The following RPL28 variants were observed in gnomAD, a reference collection of about 807,000 sequenced individuals.
RPL28 encodes the protein large ribosomal subunit protein eL28.
In RPL28, 4 loss-of-function variants were observed where a neutral mutation model predicts 12.5. That is an observed-to-expected ratio of 0.32 (90% CI 0.16 to 0.73). The LOEUF (loss-of-function observed/expected upper bound fraction) is 0.73. RPL28 is among the 30% of genes least tolerant of loss of function. The probability of loss-of-function intolerance (pLI) is 0.66; values close to 1 mark genes in which losing one functional copy is unlikely to be tolerated. For missense variants in RPL28, 214 were observed against 197.7 expected (o/e 1.08, Z -0.49); for synonymous variants, 91 against 72.5 (o/e 1.26, Z -1.30).
downstream of RPL28, among the ~76,000 whole-genome samples, chr19:55,395,206 G>A (rs957802762): frequency 1.3e-5 from 2 of 151,800 alleles, no homozygotes; most frequent in South Asian, 2.1e-4. Context: ...GTGCGATCTC[G>A]GCTCACTACA....
At chr19:55,398,661 G>A (rs1256859110) in intron 4 of RPL28, among the ~76,000 whole-genome samples, 5 of 151,910 alleles carry the variant, frequency 3.3e-5, no homozygotes, top group Non-Finnish European at 5.9e-5. Flanking sequence ...TTTCTTATTC[G>A]TTTGTAGGAA....
At chr19:55,397,472 C>T (rs1463091854) in intron 4 of RPL28, among the ~76,000 whole-genome samples, 7 of 152,030 alleles carry the variant, frequency 4.6e-5, no homozygotes, top group Non-Finnish European at 1.0e-4. Flanking sequence ...CTCCGCCTTC[C>T]GGGTTCACGC....
intron 4 of RPL28, chr19:55,399,736 T>C (rs1222088046): frequency 1.3e-5 from 2 of 152,216 alleles, no homozygotes; most frequent in Admixed American, 6.5e-5. Context: ...TGAGGAACTC[T>C]GTCAGGGCTA....
exon 5 of RPL28, chr19:55,402,955 G>T: frequency 1.3e-6 from 2 of 1,533,946 alleles, no homozygotes; most frequent in Non-Finnish European, 1.7e-6. Context: ...TGCGGGAAGG[G>T]TTGGGAGGCA....
intron 4 of RPL28, chr19:55,399,781 A>C (rs2090044221): frequency 6.6e-6 from 1 of 152,190 alleles, no homozygotes; most frequent in African/African-American, 2.4e-5. Context: ...CACTTCGCTA[A>C]ATTATTTCAG....
rs1237767538 is a variant in RPL28 at position 55,388,992 on chromosome 19, C to T, written c.*660C>T. ...CTCCCGTCCTCCAGGTGTCCCCATC[C>T]CTCCCCTGTCTCTTTGAGCTGGCTC... On this transcript the variant is annotated 3_prime_UTR_variant, in exon 5 of 5. Coordinates refer to ENST00000344063, the MANE Select transcript of RPL28 (RefSeq NM_000991.5). 1.0e-6 allele frequency: 1 copy of T among 985,374 alleles called. No homozygotes were observed. Among genetic ancestry groups the T allele is most frequent in the Non-Finnish European group, 1.2e-6 (1 of 830,000 alleles). 61.0% of individuals were successfully genotyped at this position (985,374 alleles called of 1,614,324 possible). A position where few individuals can be genotyped will look rare whatever the true frequency, so the allele number is the denominator to read the frequency against.
rs974104921 is a variant in RPL28 at position 55,390,321 on chromosome 19, C to T, written c.*1989C>T. On this transcript the variant is annotated 3_prime_UTR_variant, in exon 5 of 5. Transcript: ENST00000344063. Reference sequence around the variant, plus strand: ...CTGGGTTCAAGCGATTCTCCTGCCTCAGCCTCCCGAGTAGCTGGGATTACA... The same window carrying T: ...CTGGGTTCAAGCGATTCTCCTGCCTTAGCCTCCCGAGTAGCTGGGATTACA... 18 of 734,404 alleles carry T rather than the reference C, an allele frequency of 2.5e-5. No individual in the cohort carries two copies. The highest frequency in any genetic ancestry group is 2.7e-5 in the Non-Finnish European group (16 of 601,256). The allele number at this position is 734,404 out of a possible 1,614,324, so 45.5% of individuals were successfully genotyped here.
rs1205479584 is a variant in RPL28, at chr19:55,391,217, T to C, written c.*2885T>C. The C allele has an allele frequency of 1.2e-5, 3 of 242,166 alleles. No individual in the cohort carries two copies. The highest frequency in any genetic ancestry group is 2.2e-5 in the Non-Finnish European group (3 of 135,978). 15.0% of individuals were successfully genotyped at this position (242,166 alleles called of 1,614,324 possible). On this transcript the variant is annotated 3_prime_UTR_variant, in exon 5 of 5. Coordinates refer to ENST00000344063, the MANE Select transcript of RPL28 (RefSeq NM_000991.5). ...CCCGGCAGCATTCCCAGCTCAGGGCTAATGGTTCACGGAAGCCAGGAATCA... is the reference window on the plus strand; with the variant it reads ...CCCGGCAGCATTCCCAGCTCAGGGCCAATGGTTCACGGAAGCCAGGAATCA...
rs538371883 is a variant in RPL28 at position 55,389,883 on chromosome 19, A to G, written c.*1551A>G. 4.6e-5 allele frequency: 45 copies of G among 985,404 alleles called. No individual in the cohort carries two copies. In the African/African-American group the frequency reaches 7.0e-4, roughly 15 times the overall value. The allele number at this position is 985,404 out of a possible 1,614,324, so 61.0% of individuals were successfully genotyped here. On this transcript the variant is annotated 3_prime_UTR_variant, in exon 5 of 5. Coordinates refer to ENST00000344063, the MANE Select transcript of RPL28 (RefSeq NM_000991.5). Reference sequence around the variant, plus strand: ...GGCCTCACTCCGCTGGTGACTTCGTACCTGCTCAGGAGCCCCCACTGTCCC... The same window carrying G: ...GGCCTCACTCCGCTGGTGACTTCGTGCCTGCTCAGGAGCCCCCACTGTCCC...
At position 55,391,006 on chromosome 19, in the gene RPL28, A is replaced by C; in HGVS notation, c.*2674A>C. The C allele has an allele frequency of 1.2e-4, 119 of 970,002 alleles. No individual in the cohort carries two copies. The highest frequency in any genetic ancestry group is 1.3e-4 in the Non-Finnish European group (109 of 815,904). 60.1% of individuals were successfully genotyped at this position (970,002 alleles called of 1,614,324 possible). ...TGATATTAAGAAAACAGGCAGGCTC[A>C]CCATAGTAAAAATGCTGAAAGCCAA... On this transcript the variant is annotated 3_prime_UTR_variant, in exon 5 of 5. Coordinates refer to ENST00000344063, the MANE Select transcript of RPL28 (RefSeq NM_000991.5).
Position 55,387,826 on chromosome 19 carries a change from C to T in RPL28, c.206-104C>T, listed in dbSNP as rs923193328. On this transcript the variant is annotated intron_variant, in intron 3 of 4. Coordinates refer to ENST00000344063, the MANE Select transcript of RPL28 (RefSeq NM_000991.5). Reference sequence around the variant, plus strand: ...GCCTGCCCAGGCACCCGCCACGGGCCCACGCTGCTCAGCTTCTCAATGTGA... The same window carrying T: ...GCCTGCCCAGGCACCCGCCACGGGCTCACGCTGCTCAGCTTCTCAATGTGA... 2.6e-5 allele frequency: 38 copies of T among 1,479,484 alleles called. No individual in the cohort carries two copies. In the African/African-American group the frequency reaches 4.8e-4, roughly 19 times the overall value. 91.6% of individuals were successfully genotyped at this position (1,479,484 alleles called of 1,614,324 possible). A position where few individuals can be genotyped will look rare whatever the true frequency, so the allele number is the denominator to read the frequency against.
chr19:55,390,578 AC>A lies in RPL28; in HGVS notation c.*2251del. 2.0e-6 allele frequency: 2 copies of A among 985,174 alleles called. No homozygotes were observed. Among genetic ancestry groups the A allele is most frequent in the Non-Finnish European group, 2.4e-6 (2 of 830,070 alleles). The allele number at this position is 985,174 out of a possible 1,614,324, so 61.0% of individuals were successfully genotyped here. On this transcript the variant is annotated 3_prime_UTR_variant, in exon 5 of 5. Transcript: ENST00000344063. ...CTGGAGGCTTGTGCCTCTAGGCCCC[AC>A]CCCCTGTGGAGTCCTGCTGGCTTTC...
intron 4 of RPL28, chr19:55,401,230 A>G: frequency 1.5e-6 from 1 of 648,544 alleles, no homozygotes; most frequent in South Asian, 2.0e-5. Flanking sequence ...CCAAACTCCC[A>G]GAGCCACATG....
chr19:55,387,005 A>T, intron 3 of RPL28: 1 of 1,441,590 alleles, frequency 6.9e-7, no homozygotes, highest in South Asian at 1.5e-5. Context: ...CAGGGTGGGG[A>T]TGGATGGTTT....
intron 4 of RPL28, chr19:55,401,444 G>A (rs1311954672): frequency 1.9e-6 from 3 of 1,602,254 alleles, no homozygotes; most frequent in Non-Finnish European, 2.5e-6. Flanking sequence ...CACTACAGCC[G>A]CCGCAGCGCC....
intron 4 of RPL28, chr19:55,401,529 C>T (rs1175504565): frequency 4.3e-6 from 7 of 1,610,516 alleles, no homozygotes; most frequent in African/African-American, 1.3e-5. Flanking sequence ...CCATGGGACC[C>T]TCAGCCCCTC....
chr19:55,396,376 C>G (rs2090022161), downstream of RPL28, among the ~76,000 whole-genome samples: 1 of 151,212 alleles, frequency 6.6e-6, no homozygotes, highest in African/African-American at 2.4e-5. Context: ...CCTATGTAAC[C>G]AATACCCAGG....
At chr19:55,401,587 C>G in intron 4 of RPL28, 1 of 1,609,192 alleles carries the variant, frequency 6.2e-7, no homozygotes, top group Non-Finnish European at 8.5e-7. Flanking sequence ...TTCAGTGCCA[C>G]TGGCCAGGGC....
chr19:55,393,839 G>T (rs1218344958), downstream of RPL28, among the ~76,000 whole-genome samples: 1 of 124,194 alleles, frequency 8.1e-6, no homozygotes, highest in Non-Finnish European at 1.7e-5. Flanking sequence ...AGTAGAGACG[G>T]GGGTGTCACC....
Sources: gnomAD v4.1 joint callset for allele counts (sites outside exome capture counted in the v4.1 genomes callset) on GRCh38, gnomAD v4.1.1 for gene constraint, MANE v1.5 for transcripts, NCBI Gene and HGNC (gene_info 2026-07-23, HGNC 2026-07-21) for gene names.